Variants in DHX35 observed in about 807,000 individuals in gnomAD.
DHX35 encodes DEAH-box helicase 35, also known as probable ATP-dependent RNA helicase DHX35.
In DHX35, 84 loss-of-function variants were observed where a neutral mutation model predicts 99.6. The ratio of observed to expected loss-of-function variants is 0.84; its 90% CI spans 0.71 to 1.01. The LOEUF (loss-of-function observed/expected upper bound fraction) is 1.01, where lower values mean the gene tolerates loss of function less well. Ranked by LOEUF, DHX35 falls within the 50% of genes least tolerant of loss-of-function variation. The probability of loss-of-function intolerance (pLI) is 0.00; values close to 1 mark genes in which losing one functional copy is unlikely to be tolerated. For synonymous variants in DHX35, 331 were observed against 316.2 expected, an observed-to-expected ratio of 1.05 and a Z score of -0.50; for missense variants, 852 against 888.5, an observed-to-expected ratio of 0.96 and a Z score of 0.52.
At chr20:39,009,073 T>G (rs2086660939) in intron 12 of DHX35, among the ~76,000 whole-genome samples, 1 of 152,206 alleles carries the variant, frequency 6.6e-6, no homozygotes, top group African/African-American at 2.4e-5. Flanking sequence ...TTCACACACT[T>G]GAGTCCTCAG....
intron 13 of DHX35, among the ~76,000 whole-genome samples, chr20:39,014,023 T>C (rs542319478): frequency 6.6e-6 from 1 of 152,350 alleles, no homozygotes; most frequent in South Asian, 2.1e-4. Context: ...CAGCTGTCTT[T>C]TCCTTATTGC....
chr20:39,028,334 TGGG>T (rs1369120637), intron 18 of DHX35, 81 bp from the exon 19 acceptor site: 48 of 1,364,998 alleles, frequency 3.5e-5, no homozygotes, highest in Non-Finnish European at 4.7e-5. Context: ...GGGGTGGTGC[TGGG>T]AGTGGATCCT....
At position 39,001,847 on chromosome 20, in the gene DHX35, GAT is replaced by G; in HGVS notation, c.755+6_755+7del. 7 of 1,593,950 alleles carry G rather than the reference GAT, an allele frequency of 4.4e-6. No homozygotes were observed. Among genetic ancestry groups the G allele is most frequent in the Non-Finnish European group, 5.2e-6 (6 of 1,163,432 alleles). ...GGATATCTTTTATCTACAAAGGTTT[GAT>G]GATGCTTGAATTCTGGATGATGGTG... is the stretch of plus-strand genomic sequence containing the variant. On this transcript the variant is annotated splice_donor_region_variant and intron_variant, in intron 9 of 21. Transcript: ENST00000252011.
In DHX35 at chr20:39,038,603, C is replaced by T. The variant is rs888260162; in HGVS notation, c.*60C>T. The T allele has an allele frequency of 6.4e-7, 1 of 1,569,022 alleles. No homozygotes were observed. Among genetic ancestry groups the T allele is most frequent in the African/African-American group, 1.4e-5 (1 of 74,070 alleles). Reference sequence around the variant, plus strand: ...GCGTCCTCTCCTCCATGCTGCTGCCCCTGGTCCCAGGTGGGGTGAGCTGGC... The same window carrying T: ...GCGTCCTCTCCTCCATGCTGCTGCCTCTGGTCCCAGGTGGGGTGAGCTGGC... On this transcript the variant is annotated 3_prime_UTR_variant, in exon 22 of 22. Coordinates refer to ENST00000252011, the MANE Select transcript of DHX35 (RefSeq NM_021931.4).
At chr20:38,978,465 G>A (rs2086117665) in intron 3 of DHX35, 1 of 539,666 alleles carries the variant, frequency 1.9e-6, no homozygotes, top group Non-Finnish European at 3.4e-6. Context: ...GGCGGATGGA[G>A]ATAAATGACC....
At chr20:39,000,627 T>C (rs2145892052) in intron 8 of DHX35, among the ~76,000 whole-genome samples, 1 of 152,324 alleles carries the variant, frequency 6.6e-6, no homozygotes, top group South Asian at 2.1e-4. Flanking sequence ...CTTTTAAAAG[T>C]ACCCCTCAGA....
Position 39,003,037 on chromosome 20 carries a change from C to G in DHX35, c.852+169C>G, listed in dbSNP as rs1249603359. On this transcript the variant is annotated intron_variant, in intron 10 of 21. Coordinates refer to ENST00000252011, the MANE Select transcript of DHX35 (RefSeq NM_021931.4). ...GTCATTCATCTACCATCTAGATTGT[C>G]AGGGACTCGTTAGCCCCTGCCTGTT... is the stretch of plus-strand genomic sequence containing the variant. 2.0e-5 allele frequency among the ~76,000 whole-genome samples: 3 copies of G among 152,194 alleles called. No homozygotes were observed. The East Asian group carries it at 5.8e-4, about 29-fold the overall frequency.
intron 17 of DHX35, 113 bp downstream of exon 17, chr20:39,023,880 G>T (rs2086910952): frequency 1.2e-6 from 1 of 851,638 alleles, no homozygotes. Context: ...GAGAGCCCTT[G>T]ATTTTCCTGT....
chr20:39,004,819 A>G (rs1437104272), intron 11 of DHX35, among the ~76,000 whole-genome samples: 1 of 152,198 alleles, frequency 6.6e-6, no homozygotes. Context: ...ATGGCAGAGA[A>G]TAGAGCAGGT....
chr20:38,996,222 T>C (rs575395620), intron 8 of DHX35, among the ~76,000 whole-genome samples: 1 of 152,244 alleles, frequency 6.6e-6, no homozygotes, highest in Non-Finnish European at 1.5e-5. Context: ...TGTTTCTCAC[T>C]TGTCTATCAC....
At position 38,968,803 on chromosome 20, in the gene DHX35, C is replaced by T. The variant is rs62202562; in HGVS notation, c.41-278C>T. On this transcript the variant is annotated intron_variant, in intron 1 of 21. Coordinates refer to ENST00000252011, the MANE Select transcript of DHX35 (RefSeq NM_021931.4). ...CTGAGCTCAGGCAATCCGCCCGCCT[C>T]GGCCTCCCAAAGTGCTGGGATTACA... is the stretch of plus-strand genomic sequence containing the variant. Among the ~76,000 whole-genome samples, 687 of 152,302 alleles carry T rather than the reference C, an allele frequency of 4.5e-3. 4 individuals carry two copies. The highest frequency in any genetic ancestry group is 0.016 in the African/African-American group (646 of 41,562).
chr20:38,975,738 A>G (rs888905848), intron 3 of DHX35, among the ~76,000 whole-genome samples: 7 of 152,228 alleles, frequency 4.6e-5, no homozygotes, highest in Admixed American at 3.3e-4. Flanking sequence ...TTGAGATTCT[A>G]TCACATCATC....
intron 12 of DHX35, 83 bp from the exon 13 acceptor site, chr20:39,010,196 AG>A: frequency 6.3e-7 from 1 of 1,595,070 alleles, no homozygotes. Context: ...TGTTCAAGAT[AG>A]AGAAGAAAAT....
At position 38,988,864 on chromosome 20, in the gene DHX35, G is replaced by A. The variant is rs770784527; in HGVS notation, c.397G>A (p.Gly133Ser). 2 of 1,613,790 alleles carry A rather than the reference G, an allele frequency of 1.2e-6. No homozygotes were observed. Among genetic ancestry groups the A allele is most frequent in the African/African-American group, 1.3e-5 (1 of 74,988 alleles). Residue 133 changes from glycine to serine, a missense_variant, in exon 5 of 22, where the codon GGC becomes AGC. Physicochemically the swap from Gly to Ser is moderately conservative, Grantham distance 56. Transcript: ENST00000252011. The stretch of plus-strand genomic sequence containing the variant: ...GGGTGCAGTGCTGGGCCACGAGGTG[G>A]GCTACTGCATCCGCTTTGATGACTG... ...ERGAVLGHEV[G>S]YCIRFDDCTD...
chr20:39,020,656 CTT>C (rs57246257), intron 15 of DHX35, among the ~76,000 whole-genome samples: 20 of 105,214 alleles, frequency 1.9e-4, no homozygotes, highest in Admixed American at 3.2e-4. Flanking sequence ...AAACAGGATT[CTT>C]TTTTTTTTTT....
chr20:38,973,016 A>G (rs1294388752), intron 3 of DHX35, among the ~76,000 whole-genome samples: 1 of 152,222 alleles, frequency 6.6e-6, no homozygotes, highest in Non-Finnish European at 1.5e-5. Flanking sequence ...CTGTTATAGT[A>G]TTATGCAGTG....
chr20:39,003,130 G>A (rs188675536), intron 10 of DHX35, among the ~76,000 whole-genome samples: 6 of 152,162 alleles, frequency 3.9e-5, no homozygotes, highest in African/African-American at 1.4e-4. Context: ...AGGTAGTTGA[G>A]TGAGGGCTAT....
At position 38,980,693 on chromosome 20, in the gene DHX35, C is replaced by G. The variant is rs374737674; in HGVS notation, c.268-3006C>G. Among the ~76,000 whole-genome samples, 5 of 151,886 alleles carry G rather than the reference C, an allele frequency of 3.3e-5. No homozygotes were observed. In the East Asian group the frequency reaches 9.6e-4, roughly 29 times the overall value. ...TACTTTTAGACTAATAGAAAAATTG[C>G]AAAAAACAATACAGAATTCCCTTAT... is the stretch of plus-strand genomic sequence containing the variant. On this transcript the variant is annotated intron_variant, in intron 3 of 21. Coordinates refer to ENST00000252011, the MANE Select transcript of DHX35 (RefSeq NM_021931.4).
At chr20:38,973,011 A>G (rs939266155) in intron 3 of DHX35, among the ~76,000 whole-genome samples, 1 of 152,258 alleles carries the variant, frequency 6.6e-6, no homozygotes, top group South Asian at 2.1e-4. Context: ...ATTGGCTGTT[A>G]TAGTATTATG....
Sources: allele counts gnomAD v4.1 joint callset (sites outside exome capture counted in the v4.1 genomes callset), GRCh38; gene constraint gnomAD v4.1.1; transcripts MANE v1.5; gene names NCBI Gene and HGNC (gene_info 2026-07-23, HGNC 2026-07-21).